Variants in AGPAT3 observed in about 807,000 individuals in gnomAD.
AGPAT3 encodes 1-acylglycerol-3-phosphate O-acyltransferase 3.
AGPAT3 carries 5 observed loss-of-function variants against 47.3 expected under a neutral mutation model. That is an observed-to-expected ratio of 0.11 (90% CI 0.06 to 0.22). The LOEUF (loss-of-function observed/expected upper bound fraction) is 0.22. Among genes scored for constraint, AGPAT3 ranks in the 10% least tolerant of loss-of-function variants. The pLI, the probability that AGPAT3 is intolerant of heterozygous loss-of-function variation, is 1.00. For synonymous variants in AGPAT3, 212 were observed against 208.3 expected, an observed-to-expected ratio of 1.02 and a Z score of -0.15; for missense variants, 315 against 493.0, an observed-to-expected ratio of 0.64 and a Z score of 3.42.
chr21:43,899,147 G>A (rs894191198), intron 1 of AGPAT3, among the ~76,000 whole-genome samples: 2 of 126,390 alleles, frequency 1.6e-5, no homozygotes, highest in Non-Finnish European at 3.2e-5. Context: ...TCTGGTTAGA[G>A]TGTGCTGGTG....
In AGPAT3 at chr21:43,985,459, G is replaced by A. The variant is rs1481532324; in HGVS notation, c.*3067G>A. ...TGAGTCTCTCTGCCTTGCCTGTCCCGACTCCCTTTCGCGCACCGTGGCATG... is the reference window on the plus strand; with the variant it reads ...TGAGTCTCTCTGCCTTGCCTGTCCCAACTCCCTTTCGCGCACCGTGGCATG... On this transcript the variant is annotated 3_prime_UTR_variant, in exon 10 of 10. Transcript: ENST00000291572. The A allele has an allele frequency of 4.0e-5, 13 of 322,722 alleles. No individual in the cohort carries two copies. Among genetic ancestry groups the A allele is most frequent in the East Asian group, 8.7e-5 (1 of 11,468 alleles). The allele number at this position is 322,722 out of a possible 1,614,324, so 20.0% of individuals were successfully genotyped here.
intron 1 of AGPAT3, among the ~76,000 whole-genome samples, chr21:43,885,272 A>G (rs2085948547): frequency 6.6e-6 from 1 of 152,226 alleles, no homozygotes; most frequent in Admixed American, 6.5e-5. Context: ...TGCGTCATTG[A>G]TGCAGACGCG....
intron 1 of AGPAT3, among the ~76,000 whole-genome samples, chr21:43,866,096 G>A (rs1349988889): frequency 6.7e-6 from 1 of 149,770 alleles, no homozygotes; most frequent in South Asian, 2.1e-4. Flanking sequence ...ATTAGTATTT[G>A]AAGGCAGTTA....
At position 43,880,678 on chromosome 21, in the gene AGPAT3, A is replaced by G. The variant is rs189719218; in HGVS notation, c.-112+15333A>G. ...TTATGGTAGGACAGATTCATTTCAC[A>G]ATGATTTTGCCAATTACCCTTGTTA... is the stretch of plus-strand genomic sequence containing the variant. On this transcript the variant is annotated intron_variant, in intron 1 of 9. Coordinates refer to ENST00000291572, the MANE Select transcript of AGPAT3 (RefSeq NM_020132.5). This position sits in a 1 kb window ranked among gnomAD's most constrained non-coding sequence, Gnocchi z 4.5. Among the ~76,000 whole-genome samples the G allele has an allele frequency of 6.6e-6, 1 of 152,312 alleles. No individual in the cohort carries two copies. The highest frequency in any genetic ancestry group is 1.9e-4 in the East Asian group (1 of 5,190).
At chr21:43,931,371 T>C (rs187357546) in intron 2 of AGPAT3, among the ~76,000 whole-genome samples, 101 of 152,244 alleles carry the variant, frequency 6.6e-4, no homozygotes, top group Admixed American at 1.5e-3. Flanking sequence ...CTAAAAACAC[T>C]CTATTTTATG....
chr21:43,960,192 G>A (rs896464846), intron 3 of AGPAT3, among the ~76,000 whole-genome samples: 5 of 152,200 alleles, frequency 3.3e-5, no homozygotes, highest in African/African-American at 1.2e-4. Context: ...ATGGCCCCTC[G>A]TGTGTCCTGC....
chr21:43,923,517 C>T (rs1727864875), intron 2 of AGPAT3, among the ~76,000 whole-genome samples: 1 of 152,206 alleles, frequency 6.6e-6, no homozygotes, highest in African/African-American at 2.4e-5. Flanking sequence ...GTCAGATCCC[C>T]CAGGGCCAGG....
intron 1 of AGPAT3, among the ~76,000 whole-genome samples, chr21:43,896,506 G>C (rs1179733038): frequency 6.6e-6 from 1 of 152,264 alleles, no homozygotes; most frequent in Non-Finnish European, 1.5e-5. Context: ...GCAAACTACA[G>C]CCTATAGGCT....
intron 1 of AGPAT3, among the ~76,000 whole-genome samples, chr21:43,875,113 T>C (rs1033703674): frequency 6.6e-5 from 10 of 152,178 alleles, no homozygotes; most frequent in Non-Finnish European, 1.2e-4. Flanking sequence ...CCTGAGTAAC[T>C]GGAATTACAG....
chr21:43,962,099 C>G (rs912593787), intron 3 of AGPAT3, among the ~76,000 whole-genome samples: 5 of 150,708 alleles, frequency 3.3e-5, no homozygotes, highest in Admixed American at 2.0e-4. Context: ...CTCCTGGGTT[C>G]ACGCCATTCT....
intron 2 of AGPAT3, chr21:43,925,485 CTCTT>C (rs1266022955): frequency 6.6e-6 from 1 of 152,416 alleles, no homozygotes; most frequent in Non-Finnish European, 1.5e-5. Context: ...GAGCAGAACT[CTCTT>C]TCTTCCCTGG....
chr21:43,949,598 G>A (rs956227997), intron 2 of AGPAT3, among the ~76,000 whole-genome samples: 18 of 152,246 alleles, frequency 1.2e-4, no homozygotes, highest in African/African-American at 4.1e-4. Flanking sequence ...GTGGGGAGTA[G>A]ACTCCATGTC....
At chr21:43,883,303 C>T (rs966425455) in intron 1 of AGPAT3, among the ~76,000 whole-genome samples, 1 of 152,226 alleles carries the variant, frequency 6.6e-6, no homozygotes, top group African/African-American at 2.4e-5. Context: ...GCTGTGGCCT[C>T]CTGCCCACTC....
At chr21:43,915,548 A>G (rs2086709581) in intron 2 of AGPAT3, among the ~76,000 whole-genome samples, 1 of 148,024 alleles carries the variant, frequency 6.8e-6, no homozygotes, top group Non-Finnish European at 1.5e-5. Flanking sequence ...AGTAGCTGGG[A>G]TTACAGGCAT....
At chr21:43,891,871 G>A (rs1015698498) in intron 1 of AGPAT3, among the ~76,000 whole-genome samples, 10 of 152,144 alleles carry the variant, frequency 6.6e-5, no homozygotes, top group Admixed American at 3.3e-4. Flanking sequence ...TGAATCATGC[G>A]TCTTCTTAAT....
intron 2 of AGPAT3, among the ~76,000 whole-genome samples, chr21:43,938,316 C>CTTTTTTTTTTTTTTTT (rs57776186): frequency 1.4e-5 from 1 of 70,538 alleles, no homozygotes; most frequent in Non-Finnish European, 2.6e-5. Flanking sequence ...ATCTGCAAAT[C>CTTTTTTTTTTTTTTTT]TTTTTTTTTT....
chr21:43,980,880 C>T (rs901033498), intron 8 of AGPAT3, 109 bp from the exon 9 acceptor site: 22 of 1,074,900 alleles, frequency 2.0e-5, no homozygotes, highest in African/African-American at 1.1e-4. Flanking sequence ...ATTGACGTGG[C>T]GCTTTTTTTA....
rs189360671 is a variant in AGPAT3, at chr21:43,930,711, C to T, written c.-49+26692C>T. Among the ~76,000 whole-genome samples the T allele has an allele frequency of 2.9e-3, 443 of 152,220 alleles. 2 individuals are homozygous for T. Among genetic ancestry groups the T allele is most frequent in the African/African-American group, 0.01 (428 of 41,552 alleles). On this transcript the variant is annotated intron_variant, in intron 2 of 9. Coordinates refer to ENST00000291572, the MANE Select transcript of AGPAT3 (RefSeq NM_020132.5). The surrounding 1 kb of genome is among the most constrained non-coding windows in gnomAD (Gnocchi z 5.0). ...CTGGGCTGAGGGGAGCAGAGGGAAG[C>T]AGGGCTTGCTGGCACATTCCCAGGG...
At chr21:43,872,237 G>A (rs2085638683) in intron 1 of AGPAT3, among the ~76,000 whole-genome samples, 1 of 150,688 alleles carries the variant, frequency 6.6e-6, no homozygotes, top group Non-Finnish European at 1.5e-5. Context: ...CTGGAGTGCA[G>A]TGGCAGGATC....
Sources: allele counts gnomAD v4.1 joint callset (sites outside exome capture counted in the v4.1 genomes callset), GRCh38; gene constraint gnomAD v4.1.1; non-coding constraint Gnocchi (gnomAD v3.1); transcripts MANE v1.5; gene names NCBI Gene and HGNC (gene_info 2026-07-23, HGNC 2026-07-21).